The following DDR2 variants were observed in gnomAD, a reference collection of about 807,000 sequenced individuals.
The protein encoded by DDR2 is discoidin domain receptor tyrosine kinase 2.
DDR2 carries 27 observed loss-of-function variants against 94.9 expected under a neutral mutation model. The ratio of observed to expected loss-of-function variants is 0.28; its 90% confidence interval spans 0.21 to 0.39. DDR2 has a LOEUF of 0.39. DDR2 is among the 10% of genes least tolerant of loss of function. DDR2 has a pLI of 1.00. For missense variants in DDR2, 783 were observed against 1,076.0 expected, an observed-to-expected ratio of 0.73 and a Z score of 3.81; for synonymous variants, 382 against 377.2, an observed-to-expected ratio of 1.01 and a Z score of -0.15.
At position 162,785,404 on chromosome 1, in the gene DDR2, G is replaced by A. The variant is rs1197507599; in HGVS notation, c.*5158G>A. The A allele has an allele frequency of 1.3e-5, 2 of 152,184 alleles. No individual in the cohort carries two copies. The highest frequency in any genetic ancestry group is 2.9e-5 in the Non-Finnish European group (2 of 68,040). 9.4% of individuals were successfully genotyped at this position (152,184 alleles called of 1,614,324 possible). On this transcript the variant is annotated 3_prime_UTR_variant, in exon 18 of 18. Transcript: ENST00000367921. Reference sequence around the variant, plus strand: ...AATACTATTTTCAGAGTGGTAGAGAGGTTTTATTTGCCTAAATAGCCGTTA... The same window carrying A: ...AATACTATTTTCAGAGTGGTAGAGAAGTTTTATTTGCCTAAATAGCCGTTA...
chr1:162,780,573 C>T lies in DDR2; in HGVS notation c.*327C>T, dbSNP rs555159153. The T allele has an allele frequency of 1.9e-5, 5 of 269,872 alleles. No individual in the cohort carries two copies. In the East Asian group the frequency reaches 2.9e-4, roughly 15 times the overall value. 16.7% of individuals were successfully genotyped at this position (269,872 alleles called of 1,614,324 possible). ...TTTATAAAGGTTAACTATACTTGTG[C>T]TTATAAATGTGCAGATTCTACAATA... On this transcript the variant is annotated 3_prime_UTR_variant, in exon 18 of 18. Transcript: ENST00000367921.
At position 162,727,927 on chromosome 1, in the gene DDR2, CCAAGAGCTA is replaced by C. The variant is rs1485153115; in HGVS notation, c.82+8783_82+8791del. On this transcript the variant is annotated intron_variant, in intron 3 of 17. Transcript: ENST00000367921. ...CTCTTCAGAGACCCACAGGCCAGGA[CCAAGAGCTA>C]AGTCGACAATCACACTATATATATC... Among the ~76,000 whole-genome samples the C allele has an allele frequency of 9.6e-4, 138 of 144,434 alleles. 3 individuals are homozygous for C. In the South Asian group the frequency reaches 0.011, roughly 11 times the overall value. 94.8% of individuals were successfully genotyped at this position (144,434 alleles called of 152,430 possible). A position where few individuals can be genotyped will look rare whatever the true frequency, so the allele number is the denominator to read the frequency against.
chr1:162,658,177 G>T (rs556653788), intron 2 of DDR2, among the ~76,000 whole-genome samples: 3 of 152,122 alleles, frequency 2.0e-5, no homozygotes, highest in African/African-American at 7.2e-5. Context: ...TGTGTTTCTC[G>T]CAAGTCTCTG....
At chr1:162,651,937 T>C (rs1167331857) in intron 1 of DDR2, among the ~76,000 whole-genome samples, 1 of 152,214 alleles carries the variant, frequency 6.6e-6, no homozygotes, top group Non-Finnish European at 1.5e-5. Context: ...CGGTTAAGGA[T>C]ATTTGTCTCA....
At chr1:162,725,765 TACA>T (rs1661635283) in intron 3 of DDR2, among the ~76,000 whole-genome samples, 1 of 152,244 alleles carries the variant, frequency 6.6e-6, no homozygotes, top group Non-Finnish European at 1.5e-5. Flanking sequence ...ACGAATGGGC[TACA>T]GAGACCCGTG....
Position 162,787,235 on chromosome 1 carries a change from CAGG to C in DDR2, c.*6992_*6994del, listed in dbSNP as rs1373964214. ...TGTACCCTATTGTTCTTCTGATTTC[CAGG>C]AGAACAGAATGAGCCCATGCAAAAC... On this transcript the variant is annotated 3_prime_UTR_variant, in exon 18 of 18. Transcript: ENST00000367921. 6.6e-6 allele frequency: 1 copy of C among 151,794 alleles called. No homozygotes were observed. Among genetic ancestry groups the C allele is most frequent in the East Asian group, 1.9e-4 (1 of 5,172 alleles). The allele number at this position is 151,794 out of a possible 1,614,324, so 9.4% of individuals were successfully genotyped here.
intron 4 of DDR2, among the ~76,000 whole-genome samples, chr1:162,754,400 G>C (rs543492355): frequency 6.6e-6 from 1 of 152,180 alleles, no homozygotes; most frequent in South Asian, 2.1e-4. Flanking sequence ...GTGATCTGAA[G>C]GCCTCAGCTC....
intron 3 of DDR2, among the ~76,000 whole-genome samples, chr1:162,729,306 T>A (rs1474249592): frequency 0.03 from 2,351 of 77,150 alleles, 36 homozygotes; most frequent in African/African-American, 0.049. Context: ...ATATATTTTT[T>A]TTTTTTTTTT....
chr1:162,662,601 CAT>C (rs1658360721), intron 2 of DDR2, among the ~76,000 whole-genome samples: 1 of 152,104 alleles, frequency 6.6e-6, no homozygotes, highest in Non-Finnish European at 1.5e-5. Context: ...AGAAATTAGA[CAT>C]ATGTTTATTG....
At chr1:162,741,252 T>TA (rs57099786) in intron 3 of DDR2, among the ~76,000 whole-genome samples, 1 of 96,650 alleles carries the variant, frequency 1.0e-5, no homozygotes, top group Non-Finnish European at 2.1e-5. Context: ...TATAGTATAA[T>TA]GTAATGTAAT....
chr1:162,725,341 A>C (rs907300935), intron 3 of DDR2, among the ~76,000 whole-genome samples: 1 of 152,052 alleles, frequency 6.6e-6, no homozygotes, highest in African/African-American at 2.4e-5. Context: ...CCGTTTTTCA[A>C]ATTTCCAACA....
intron 2 of DDR2, among the ~76,000 whole-genome samples, chr1:162,664,272 T>A (rs1284845300): frequency 6.6e-6 from 1 of 152,176 alleles, no homozygotes; most frequent in Admixed American, 6.5e-5. Context: ...AACTCCAGAA[T>A]TGTATGTATA....
intron 2 of DDR2, among the ~76,000 whole-genome samples, chr1:162,656,900 A>T (rs1173462753): frequency 1.6e-5 from 2 of 126,956 alleles, no homozygotes; most frequent in Non-Finnish European, 3.1e-5. Flanking sequence ...GGAGAGTAGC[A>T]GTGTAATCTT....
At chr1:162,639,547 T>C (rs183132042) in intron 1 of DDR2, among the ~76,000 whole-genome samples, 1 of 152,256 alleles carries the variant, frequency 6.6e-6, no homozygotes, top group East Asian at 1.9e-4. Context: ...GAAAATAACA[T>C]AGGAAAAAAT....
At chr1:162,649,504 G>C (rs1657578971) in intron 1 of DDR2, among the ~76,000 whole-genome samples, 1 of 152,080 alleles carries the variant, frequency 6.6e-6, no homozygotes, top group East Asian at 1.9e-4. Flanking sequence ...TTTCCCCAGG[G>C]GTTATGTTCA....
chr1:162,667,698 A>G (rs1658652568), intron 2 of DDR2, among the ~76,000 whole-genome samples: 2 of 152,192 alleles, frequency 1.3e-5, no homozygotes. Flanking sequence ...ATGATATCCA[A>G]ATGATTAGGA....
chr1:162,741,209 C>CAATAT (rs1553250264), intron 3 of DDR2, among the ~76,000 whole-genome samples: 1,530 of 69,384 alleles, frequency 0.022, 55 homozygotes, highest in African/African-American at 0.044. Context: ...CAATACAATA[C>CAATAT]AATATAATAT....
chr1:162,695,521 G>A (rs201267613), intron 2 of DDR2, among the ~76,000 whole-genome samples: 10 of 152,110 alleles, frequency 6.6e-5, no homozygotes, highest in African/African-American at 9.7e-5. Context: ...ATGAGCCACC[G>A]TCCCCAGCCA....
At chr1:162,778,830 A>G (rs1647737059) in intron 17 of DDR2, 101 bp downstream of exon 17, 1 of 1,474,354 alleles carries the variant, frequency 6.8e-7, no homozygotes, top group Non-Finnish European at 9.4e-7. Context: ...TGGAAGACAG[A>G]CTATCCAGGT....
Sources: allele counts gnomAD v4.1 joint callset (sites outside exome capture counted in the v4.1 genomes callset), GRCh38; gene constraint gnomAD v4.1.1; transcripts MANE v1.5; gene names NCBI Gene and HGNC (gene_info 2026-07-23, HGNC 2026-07-21).